SPATA13: variants seen among roughly 807,000 people sequenced by gnomAD.
SPATA13 encodes spermatogenesis associated 13, also known as spermatogenesis-associated protein 13.
In SPATA13, 50 loss-of-function variants were observed where a neutral mutation model predicts 104.0. The ratio of observed to expected loss-of-function variants is 0.48; its 90% CI spans 0.38 to 0.61. SPATA13 has a LOEUF of 0.61. SPATA13 is among the 20% of genes least tolerant of loss of function. The pLI is 0.00. For missense variants in SPATA13, 1,524 were observed against 1,690.6 expected, an observed-to-expected ratio of 0.90 and a Z score of 1.73; for synonymous variants, 606 against 667.5, an observed-to-expected ratio of 0.91 and a Z score of 1.42.
At chr13:24,242,700 G>A (rs898203157) in intron 2 of SPATA13, among the ~76,000 whole-genome samples, 1 of 152,094 alleles carries the variant, frequency 6.6e-6, no homozygotes, top group Non-Finnish European at 1.5e-5. Context: ...TTCCTTTGGC[G>A]TTAAAAATAC....
Position 24,284,192 on chromosome 13 carries a change from A to G in SPATA13, c.2222A>G (p.Glu741Gly). The G allele has an allele frequency of 6.2e-7, 1 of 1,613,870 alleles. No individual in the cohort carries two copies. Among genetic ancestry groups the G allele is most frequent in the East Asian group, 2.2e-5 (1 of 44,888 alleles). Residue 741 changes from glutamate to glycine, a missense_variant, in exon 5 of 13, where the codon GAG becomes GGG. Physicochemically the swap from Glu to Gly is moderately conservative, Grantham distance 98. Around this residue, in one of 2 missense-constraint regions of SPATA13, gnomAD observed 1,089 missense variants for 1,135.9 expected, o/e 0.96. Transcript: ENST00000382108. ...SALVDDNGSE[E>G]DFSYEDLCQA... ...TTAGTGGATGACAACGGTAGTGAGG[A>G]GGACTTCAGCTATGAAGACCTCTGC...
intron 2 of SPATA13, among the ~76,000 whole-genome samples, chr13:24,238,128 T>A (rs1384731561): frequency 1.0e-4 from 14 of 136,176 alleles, no homozygotes; most frequent in African/African-American, 3.9e-4. Context: ...CCAGTTCTTC[T>A]TGACTTTTTT....
At chr13:24,065,636 C>G (rs1041316785) in intron 3 of SPATA13, among the ~76,000 whole-genome samples, 1 of 152,136 alleles carries the variant, frequency 6.6e-6, no homozygotes, top group African/African-American at 2.4e-5. Flanking sequence ...TAAGCCACAC[C>G]TGACTAAATA....
intron 12 of SPATA13, 104 bp downstream of exon 12, chr13:24,300,579 G>C (rs1362957337): frequency 2.9e-6 from 3 of 1,039,652 alleles, no homozygotes; most frequent in Non-Finnish European, 4.4e-6. Flanking sequence ...GGAGCAAGGA[G>C]AACAGTAGAA....
At chr13:24,242,199 GGAGA>G in intron 2 of SPATA13, among the ~76,000 whole-genome samples, 1 of 152,276 alleles carries the variant, frequency 6.6e-6, no homozygotes, top group African/African-American at 2.4e-5. Context: ...GCCTAGGCAA[GGAGA>G]GAGAGAGGAA....
chr13:24,267,897 C>T (rs1035698830), intron 4 of SPATA13, among the ~76,000 whole-genome samples: 2 of 152,256 alleles, frequency 1.3e-5, no homozygotes, highest in Non-Finnish European at 2.9e-5. Context: ...TAGAACAACA[C>T]TTCTGAAACC....
chr13:24,150,540 A>C (rs2138470067), intron 3 of SPATA13, among the ~76,000 whole-genome samples: 1 of 152,312 alleles, frequency 6.6e-6, no homozygotes, highest in East Asian at 1.9e-4. Flanking sequence ...TAGAGAGATA[A>C]ATATTGATTG....
rs1882620639 is a variant in SPATA13, at chr13:24,164,060, AC to A, written c.-112+3130del. On this transcript the variant is annotated intron_variant, in intron 1 of 12. Transcript: ENST00000382108. ...GAACTATCATTGTTATTTCTAAAAC[AC>A]CAGGAATGAACACCAAATGTACATG... Among the ~76,000 whole-genome samples, 3 of 152,256 alleles carry A rather than the reference AC, an allele frequency of 2.0e-5. No individual in the cohort carries two copies. The South Asian group carries it at 6.2e-4, about 31-fold the overall frequency.
rs1052662083 is a variant in SPATA13, at chr13:24,011,738, G to A, written c.-146-5929G>A. ...TCTCCAACATCCTTCCTGGCAGGGGGCATGCAGAGAACATAGTCTTCAGCT... is the reference window on the plus strand; with the variant it reads ...TCTCCAACATCCTTCCTGGCAGGGGACATGCAGAGAACATAGTCTTCAGCT... On this transcript the variant is annotated intron_variant, in intron 2 of 14. Coordinates refer to the SPATA13 transcript ENST00000424834. This position sits in a 1 kb window ranked among gnomAD's most constrained non-coding sequence, Gnocchi z 4.3. 6.6e-6 allele frequency among the ~76,000 whole-genome samples: 1 copy of A among 152,208 alleles called. No homozygotes were observed. The highest frequency in any genetic ancestry group is 2.4e-5 in the African/African-American group (1 of 41,424).
rs1283663460 is a variant in SPATA13 at position 24,189,643 on chromosome 13, A to ATATATAT, written c.-112+28727_-112+28733dup. Among the ~76,000 whole-genome samples, 5 of 20,378 alleles carry ATATATAT rather than the reference A, an allele frequency of 2.5e-4. 1 individual carries two copies. Among genetic ancestry groups the ATATATAT allele is most frequent in the African/African-American group, 3.8e-4 (5 of 13,040 alleles). The allele number at this position is 20,378 out of a possible 152,430, so 13.4% of individuals were successfully genotyped here. On this transcript the variant is annotated intron_variant, in intron 1 of 12. Transcript: ENST00000382108. Reference sequence around the variant, plus strand: ...TTATTATATAAATATATATATTTATATATATATTATATATTATATATTTAT... The same window carrying ATATATAT: ...TTATTATATAAATATATATATTTATATATATATTATATATTATATATTATATATTTAT...
In SPATA13 at chr13:24,161,577, G is replaced by T. The variant is rs1882496395; in HGVS notation, c.-112+645G>T. ...GGAATTGGTACTCCAGCCCCAGGCA[G>T]GTAGAAGCCCGCGCTGCTGCCAGCG... is the stretch of plus-strand genomic sequence containing the variant. On this transcript the variant is annotated intron_variant, in intron 1 of 12. Transcript: ENST00000382108. The surrounding 1 kb of genome is among the most constrained non-coding windows in gnomAD (Gnocchi z 4.5). Among the ~76,000 whole-genome samples the T allele has an allele frequency of 6.6e-6, 1 of 152,152 alleles. No homozygotes were observed. Among genetic ancestry groups the T allele is most frequent in the Non-Finnish European group, 1.5e-5 (1 of 68,026 alleles).
At chr13:24,290,465 G>C (rs1215060852) in intron 8 of SPATA13, among the ~76,000 whole-genome samples, 187 bp from the exon 9 acceptor site, 3 of 152,094 alleles carry the variant, frequency 2.0e-5, no homozygotes, top group Non-Finnish European at 4.4e-5. Flanking sequence ...TCGCCGGCCA[G>C]ATAACGCTTG....
At chr13:24,295,994 A>G (rs1593513534) in intron 10 of SPATA13, among the ~76,000 whole-genome samples, 1 of 152,192 alleles carries the variant, frequency 6.6e-6, no homozygotes, top group South Asian at 2.1e-4. Context: ...CATTAAATTA[A>G]GAACAACAAG....
In SPATA13 at chr13:24,122,058, A is replaced by G; in HGVS notation, c.-111-100761A>G. ...TACAATCACACAGCAGGAAAGAAAGAGATAACTCAATTCATCCCTGGTGCT... is the reference window on the plus strand; with the variant it reads ...TACAATCACACAGCAGGAAAGAAAGGGATAACTCAATTCATCCCTGGTGCT... On this transcript the variant is annotated intron_variant, in intron 3 of 14. Transcript: ENST00000424834. The G allele has an allele frequency of 2.6e-6, 4 of 1,563,466 alleles. No homozygotes were observed. In the South Asian group the frequency reaches 4.4e-5, roughly 17 times the overall value.
chr13:24,043,685 T>C (rs1426772935), intron 3 of SPATA13, among the ~76,000 whole-genome samples: 1 of 152,104 alleles, frequency 6.6e-6, no homozygotes. Context: ...TTTTTTTTGT[T>C]GTTGACAGCC....
At chr13:24,209,346 G>A (rs987855752) in intron 1 of SPATA13, among the ~76,000 whole-genome samples, 2 of 152,142 alleles carry the variant, frequency 1.3e-5, no homozygotes, top group African/African-American at 4.8e-5. Context: ...CAGCGTTTTT[G>A]TTGAAACTAG....
At chr13:24,227,246 A>G (rs1337085639) in intron 2 of SPATA13, among the ~76,000 whole-genome samples, 2 of 152,148 alleles carry the variant, frequency 1.3e-5, no homozygotes, top group African/African-American at 2.4e-5. Context: ...TATGTTAAAG[A>G]TTGGATTTTA....
chr13:24,191,611 G>A (rs924546019), intron 1 of SPATA13, among the ~76,000 whole-genome samples: 2 of 137,266 alleles, frequency 1.5e-5, no homozygotes, highest in South Asian at 4.9e-4. Flanking sequence ...CTGGGTTCAC[G>A]CCATTCTCCT....
intron 3 of SPATA13, among the ~76,000 whole-genome samples, chr13:24,074,073 C>T (rs777506941): frequency 8.5e-5 from 13 of 152,236 alleles, no homozygotes; most frequent in African/African-American, 1.2e-4. Flanking sequence ...TATTTTTAAG[C>T]ATACAGTTTA....
Sources: allele counts gnomAD v4.1 joint callset (sites outside exome capture counted in the v4.1 genomes callset), GRCh38; gene constraint gnomAD v4.1.1; regional missense constraint gnomAD v4.1.1; non-coding constraint Gnocchi (gnomAD v3.1); transcripts MANE v1.5; gene names NCBI Gene and HGNC (gene_info 2026-07-23, HGNC 2026-07-21).